The following PELP1 variants were observed in gnomAD, a reference collection of about 807,000 sequenced individuals.
The protein encoded by PELP1 is proline, glutamate and leucine rich protein 1, also known as proline-, glutamic acid- and leucine-rich protein 1.
In PELP1, 32 loss-of-function variants were observed where a neutral mutation model predicts 95.5. The observed-to-expected ratio is 0.34, with a 90% confidence interval of 0.25 to 0.45. PELP1 has a LOEUF of 0.45. Ranked by LOEUF, PELP1 falls within the 20% of genes least tolerant of loss-of-function variation. The pLI, the probability that PELP1 is intolerant of heterozygous loss-of-function variation, is 1.00. For synonymous variants in PELP1, 668 were observed against 600.1 expected, an observed-to-expected ratio of 1.11 and a Z score of -1.65; for missense variants, 1,358 against 1,444.8, an observed-to-expected ratio of 0.94 and a Z score of 0.97.
chr17:4,681,250 C>T (rs942123519), intron 5 of PELP1, among the ~76,000 whole-genome samples: 2 of 152,132 alleles, frequency 1.3e-5, no homozygotes, highest in African/African-American at 2.4e-5. Flanking sequence ...TTTGGGAGGC[C>T]GAGGCGGGAG....
intron 1 of PELP1, among the ~76,000 whole-genome samples, chr17:4,695,832 C>T (rs958929119): frequency 1.3e-5 from 2 of 149,636 alleles, no homozygotes; most frequent in Non-Finnish European, 3.0e-5. Flanking sequence ...ACTAAAAATA[C>T]AAAAATTAGC....
chr17:4,683,008 A>G lies in PELP1; in HGVS notation c.421-56T>C, dbSNP rs957599125. 1,011 of 1,408,276 alleles carry G rather than the reference A, an allele frequency of 7.2e-4. 2 individuals carry two copies. Among genetic ancestry groups the G allele is most frequent in the Middle Eastern group, 2.4e-3 (13 of 5,370 alleles). The allele number at this position is 1,408,276 out of a possible 1,614,324, so 87.2% of individuals were successfully genotyped here. ...AGCCTCACCTTGATTGTCACCAAAG[A>G]GCAGCAGGAGAAAATACAAGCCTTC... On this transcript the variant is annotated intron_variant, in intron 3 of 16. Coordinates refer to ENST00000572293, the MANE Select transcript of PELP1 (RefSeq NM_014389.3).
intron 16 of PELP1, 49 bp from the exon 17 acceptor site, chr17:4,671,580 CAGA>C (rs1216306498): frequency 6.2e-7 from 1 of 1,610,816 alleles, no homozygotes; most frequent in South Asian, 1.1e-5. Flanking sequence ...CACACATACA[CAGA>C]AGAATGGTTC....
rs1300856851 is a variant in PELP1, at chr17:4,673,247, T to A, written c.1845+3A>T. On this transcript the variant is annotated splice_donor_region_variant and intron_variant, in intron 15 of 16. Transcript: ENST00000572293. The surrounding 1 kb of genome is among the most constrained non-coding windows in gnomAD (Gnocchi z 5.7). ...AAAGAGGGGCTTGGCCCATCACAGT[T>A]ACCTCAAGGCTATCTTCTCGCTGGC... 1 of 1,565,038 alleles carries A rather than the reference T, an allele frequency of 6.4e-7. No homozygotes were observed. Among genetic ancestry groups the A allele is most frequent in the South Asian group, 1.2e-5 (1 of 85,472 alleles).
rs776672419 is a variant in PELP1 at position 4,676,313 on chromosome 17, G to A, written c.853+44C>T. The A allele has an allele frequency of 1.6e-5, 26 of 1,594,694 alleles. No homozygotes were observed. The South Asian group carries it at 2.1e-4, about 13-fold the overall frequency. On this transcript the variant is annotated intron_variant, in intron 7 of 16. Coordinates refer to ENST00000572293, the MANE Select transcript of PELP1 (RefSeq NM_014389.3). ...CTCCCCTCCTGTTCCTTCCTGCCACGCTTCCTCACTATTGTTCCACTAACT... is the reference window on the plus strand; with the variant it reads ...CTCCCCTCCTGTTCCTTCCTGCCACACTTCCTCACTATTGTTCCACTAACT...
chr17:4,694,711 G>A (rs368668601), intron 1 of PELP1, among the ~76,000 whole-genome samples: 7 of 151,394 alleles, frequency 4.6e-5, no homozygotes, highest in East Asian at 2.0e-4. Flanking sequence ...GGTGGCTTAC[G>A]CCTGTAATGC....
At chr17:4,698,616 T>C (rs1031252574) in intron 1 of PELP1, among the ~76,000 whole-genome samples, 19 of 122,762 alleles carry the variant, frequency 1.5e-4, no homozygotes, top group Admixed American at 7.4e-4. Flanking sequence ...CACTCCAGCC[T>C]AGGCAACAGA....
intron 7 of PELP1, 74 bp from the exon 8 acceptor site, chr17:4,676,236 G>C (rs1912470509): frequency 6.3e-7 from 1 of 1,590,004 alleles, no homozygotes; most frequent in African/African-American, 1.3e-5. Context: ...TGGACGACCT[G>C]CCTGTATTCT....
chr17:4,696,345 T>G (rs1162897862), intron 1 of PELP1, among the ~76,000 whole-genome samples: 2 of 151,742 alleles, frequency 1.3e-5, no homozygotes, highest in Middle Eastern at 3.2e-3. Context: ...AAAAGAAAAA[T>G]AAAAAGAGCG....
intron 1 of PELP1, among the ~76,000 whole-genome samples, chr17:4,695,926 G>T (rs558657865): frequency 6.6e-6 from 1 of 150,990 alleles, no homozygotes; most frequent in Non-Finnish European, 1.5e-5. Flanking sequence ...CTTGGCCTCC[G>T]AAAGTGCTGG....
chr17:4,699,322 G>A (rs1012527550), intron 1 of PELP1, among the ~76,000 whole-genome samples: 3 of 151,980 alleles, frequency 2.0e-5, no homozygotes, highest in Non-Finnish European at 4.4e-5. Context: ...AGAGCTTGCA[G>A]TGAGCCAAAA....
chr17:4,676,179 T>C lies in PELP1; in HGVS notation c.854-17A>G, dbSNP rs1214303412. Reference sequence around the variant, plus strand: ...GCACAGGAGCTGGCAGAAGCACAACTACCCTGTACACTGTCTTTCTTCCAT... The same window carrying C: ...GCACAGGAGCTGGCAGAAGCACAACCACCCTGTACACTGTCTTTCTTCCAT... On this transcript the variant is annotated splice_polypyrimidine_tract_variant and intron_variant, in intron 7 of 16. Coordinates refer to ENST00000572293, the MANE Select transcript of PELP1 (RefSeq NM_014389.3). The C allele has an allele frequency of 4.3e-6, 7 of 1,612,728 alleles. No individual in the cohort carries two copies. The highest frequency in any genetic ancestry group is 5.9e-6 in the Non-Finnish European group (7 of 1,179,262).
chr17:4,699,233 G>A (rs983459808), intron 1 of PELP1, among the ~76,000 whole-genome samples: 2 of 152,024 alleles, frequency 1.3e-5, no homozygotes, highest in Non-Finnish European at 2.9e-5. Flanking sequence ...CAAAAAAATA[G>A]CCGGGCATGG....
chr17:4,681,291 C>A (rs1912675237), intron 5 of PELP1, among the ~76,000 whole-genome samples: 1 of 152,224 alleles, frequency 6.6e-6, no homozygotes, highest in East Asian at 1.9e-4. Context: ...TCAAGACCAG[C>A]CTGGCCAACA....
At chr17:4,692,808 G>A (rs968531111) in intron 1 of PELP1, among the ~76,000 whole-genome samples, 34 of 152,074 alleles carry the variant, frequency 2.2e-4, no homozygotes, top group Middle Eastern at 3.4e-3. Flanking sequence ...TCAGGAGTTC[G>A]AGACCAGCCT....
intron 1 of PELP1, among the ~76,000 whole-genome samples, chr17:4,695,301 AAC>A (rs1913255316): frequency 6.7e-6 from 1 of 149,678 alleles, no homozygotes; most frequent in African/African-American, 2.5e-5. Context: ...CAGCCTCGGC[AAC>A]AGAGTGAGAC....
chr17:4,675,437 A>G lies in PELP1; in HGVS notation c.1069-75T>C, dbSNP rs1912422550. 9.3e-6 allele frequency: 9 copies of G among 962,754 alleles called. No individual in the cohort carries two copies. Among genetic ancestry groups the G allele is most frequent in the Non-Finnish European group, 1.3e-5 (8 of 620,532 alleles). 59.6% of individuals were successfully genotyped at this position (962,754 alleles called of 1,614,324 possible). A position where few individuals can be genotyped will look rare whatever the true frequency, so the allele number is the denominator to read the frequency against. ...CAGAGAGAGACAGAAACAGGGAATG[A>G]CCATTTACATATGTACACATAGGTA... On this transcript the variant is annotated intron_variant, in intron 9 of 16. Coordinates refer to ENST00000572293, the MANE Select transcript of PELP1 (RefSeq NM_014389.3). This position sits in a 1 kb window ranked among gnomAD's most constrained non-coding sequence, Gnocchi z 4.3.
intron 5 of PELP1, among the ~76,000 whole-genome samples, chr17:4,677,881 A>C (rs972229981): frequency 1.3e-5 from 2 of 149,092 alleles, no homozygotes; most frequent in Non-Finnish European, 3.0e-5. Flanking sequence ...CAGTCAGTGT[A>C]CTCTAGCCTG....
At chr17:4,690,445 G>C (rs1246836257) in intron 3 of PELP1, among the ~76,000 whole-genome samples, 1 of 152,006 alleles carries the variant, frequency 6.6e-6, no homozygotes, top group Non-Finnish European at 1.5e-5. Context: ...ATATAGGCTG[G>C]GCACAGTGCC....
Sources: gnomAD v4.1 joint callset for allele counts (sites outside exome capture counted in the v4.1 genomes callset) on GRCh38, gnomAD v4.1.1 for gene constraint, Gnocchi (gnomAD v3.1) non-coding constraint, MANE v1.5 for transcripts, NCBI Gene and HGNC (gene_info 2026-07-23, HGNC 2026-07-21) for gene names.